Variants in CLCN5 observed in about 807,000 individuals in gnomAD.
The protein encoded by CLCN5 is H(+)/Cl(-) exchange transporter 5.
In CLCN5, 17 loss-of-function variants were observed where a neutral mutation model predicts 54.0. That is an observed-to-expected ratio of 0.31 (90% CI 0.22 to 0.47). The LOEUF (loss-of-function observed/expected upper bound fraction) is 0.47, where lower values mean the gene tolerates loss of function less well. Ranked by LOEUF, CLCN5 falls within the 20% of genes least tolerant of loss-of-function variation. CLCN5 has a pLI of 1.00. For synonymous variants in CLCN5, 222 were observed against 233.0 expected, an observed-to-expected ratio of 0.95 and a Z score of 0.43; for missense variants, 448 against 646.7, an observed-to-expected ratio of 0.69 and a Z score of 3.33.
At chrX:49,949,288 A>G (rs1557172643) in intron 3 of CLCN5, among the ~76,000 whole-genome samples, 1 of 111,943 alleles carries the variant, frequency 8.9e-6, no homozygotes, top group Non-Finnish European at 1.9e-5. Flanking sequence ...GCACAGGCCA[A>G]CTCCCTACCA....
At chrX:49,953,236 C>CT (rs1927145206) in intron 3 of CLCN5, among the ~76,000 whole-genome samples, 1 of 111,768 alleles carries the variant, frequency 8.9e-6, no homozygotes, top group African/African-American at 3.3e-5. Flanking sequence ...TGTAAAGTAT[C>CT]TTTTTCATCT....
At chrX:49,929,194 T>A (rs887245536) in intron 3 of CLCN5, among the ~76,000 whole-genome samples, 1 of 111,634 alleles carries the variant, frequency 9.0e-6, no homozygotes, top group Non-Finnish European at 1.9e-5. Flanking sequence ...CATTGCTGTC[T>A]GGTTCCTCCA....
intron 3 of CLCN5, among the ~76,000 whole-genome samples, chrX:49,944,607 A>G (rs1362482486): frequency 8.9e-6 from 1 of 112,052 alleles, no homozygotes; most frequent in Non-Finnish European, 1.9e-5. Flanking sequence ...GAGAGTTTTT[A>G]GCATGAAGGT....
intron 9 of CLCN5, among the ~76,000 whole-genome samples, chrX:50,083,558 T>C (rs1231456835): frequency 8.9e-6 from 1 of 112,052 alleles, no homozygotes; most frequent in Non-Finnish European, 1.9e-5. Flanking sequence ...ATTTTGATCA[T>C]TGAACTGTGA....
Position 49,922,984 on chromosome X carries a change from T to A in CLCN5, c.-205+192T>A, listed in dbSNP as rs936456294. On this transcript the variant is annotated intron_variant, in intron 1 of 14. Coordinates refer to ENST00000376091, the MANE Select transcript of CLCN5 (RefSeq NM_001127898.4). The stretch of plus-strand genomic sequence containing the variant: ...CGCTTAGAGGAGGTAGACAGGCTAG[T>A]TCCAGCCAGTGCTGAGCGGCGTCTT... Among the ~76,000 whole-genome samples, 4 of 112,977 alleles carry A rather than the reference T, an allele frequency of 3.5e-5. No homozygotes were observed. The South Asian group carries it at 1.4e-3, about 41-fold the overall frequency.
chrX:50,032,059 T>C (rs1401896651), intron 3 of CLCN5, among the ~76,000 whole-genome samples: 7 of 110,404 alleles, frequency 6.3e-5, no homozygotes, highest in African/African-American at 2.3e-4. Context: ...TCATCATTTT[T>C]TATGGCTGCA....
At position 50,066,175 on chromosome X, in the gene CLCN5, AAAAAG is replaced by A. The variant is rs1412649098; in HGVS notation, c.164-3700_164-3696del. 1.9e-3 allele frequency among the ~76,000 whole-genome samples: 205 copies of A among 105,384 alleles called. 2 individuals are homozygous for A. The highest frequency in any genetic ancestry group is 6.5e-3 in the African/African-American group (174 of 26,677). The allele number at this position is 105,384 out of a possible 115,157, so 91.5% of individuals were successfully genotyped here. A position where few individuals can be genotyped will look rare whatever the true frequency, so the allele number is the denominator to read the frequency against. On this transcript the variant is annotated intron_variant, in intron 4 of 14. Transcript: ENST00000376091. ...CTTAAAGTATAATTAAAAAAAAAAA[AAAAAG>A]AAAGAAAGAGAAATTCCAGAGCAAA...
intron 7 of CLCN5, 70 bp downstream of exon 7, chrX:50,076,052 C>T (rs1399946359): frequency 1.0e-6 from 1 of 990,314 alleles, no homozygotes; most frequent in Non-Finnish European, 1.4e-6. Flanking sequence ...TTATACTGTG[C>T]TCACAGCAAT....
intron 4 of CLCN5, among the ~76,000 whole-genome samples, chrX:50,048,099 G>T (rs1478178601): frequency 8.9e-6 from 1 of 112,227 alleles, no homozygotes; most frequent in African/African-American, 3.2e-5. Flanking sequence ...AACCGGCGGT[G>T]GGGGGTGAGG....
chrX:49,978,989 C>T (rs1047696738), intron 3 of CLCN5, among the ~76,000 whole-genome samples: 61 of 111,071 alleles, frequency 5.5e-4, no homozygotes, highest in African/African-American at 1.9e-3. Context: ...ACAGTTGAAG[C>T]ACAACCTCCA....
chrX:50,026,385 G>C (rs146845848), intron 3 of CLCN5, among the ~76,000 whole-genome samples: 1 of 111,698 alleles, frequency 9.0e-6, no homozygotes, highest in Non-Finnish European at 1.9e-5. Flanking sequence ...ACTTGATCTA[G>C]TTGATGGATG....
At chrX:49,993,789 G>A (rs1168749368) in intron 3 of CLCN5, among the ~76,000 whole-genome samples, 1 of 111,849 alleles carries the variant, frequency 8.9e-6, no homozygotes, top group African/African-American at 3.3e-5. Flanking sequence ...AGTAACACAA[G>A]TCTGGTTAGA....
chrX:49,929,117 C>T (rs1346795952), intron 3 of CLCN5, among the ~76,000 whole-genome samples: 1 of 111,382 alleles, frequency 9.0e-6, no homozygotes, highest in Non-Finnish European at 1.9e-5. Context: ...GCTTCTGAGT[C>T]AGTCTGTAGA....
chrX:49,995,379 CAG>C (rs1929466007), intron 3 of CLCN5, among the ~76,000 whole-genome samples: 1 of 112,117 alleles, frequency 8.9e-6, no homozygotes. Context: ...ACCAAGCAAA[CAG>C]AATTCTTTCG....
At chrX:50,005,433 G>A (rs1440154987) in intron 3 of CLCN5, among the ~76,000 whole-genome samples, 1 of 110,149 alleles carries the variant, frequency 9.1e-6, no homozygotes, top group African/African-American at 3.4e-5. Flanking sequence ...TTATTAGCTG[G>A]AATACTTCTA....
At chrX:49,951,096 G>A (rs1927024848) in intron 3 of CLCN5, among the ~76,000 whole-genome samples, 1 of 111,401 alleles carries the variant, frequency 9.0e-6, no homozygotes, top group South Asian at 3.8e-4. Context: ...GTAATATTTT[G>A]GATATATTGG....
intron 3 of CLCN5, among the ~76,000 whole-genome samples, chrX:49,978,053 A>C (rs782597710): frequency 8.9e-6 from 1 of 111,936 alleles, no homozygotes; most frequent in Admixed American, 9.5e-5. Flanking sequence ...TAAATTCCCC[A>C]GGAGGCAGAA....
intron 5 of CLCN5, among the ~76,000 whole-genome samples, chrX:50,070,357 C>T (rs1360538904): frequency 9.0e-6 from 1 of 111,562 alleles, no homozygotes; most frequent in African/African-American, 3.3e-5. Flanking sequence ...AGTAAATAGT[C>T]GCAAAGGATC....
At chrX:50,037,208 G>A (rs1401510200) in intron 3 of CLCN5, among the ~76,000 whole-genome samples, 2 of 112,266 alleles carry the variant, frequency 1.8e-5, no homozygotes, top group African/African-American at 6.5e-5. Flanking sequence ...GTAGCTTGAG[G>A]GAGAAATGAG....
Sources: allele counts gnomAD v4.1 joint callset (sites outside exome capture counted in the v4.1 genomes callset), GRCh38; gene constraint gnomAD v4.1.1; transcripts MANE v1.5; gene names NCBI Gene and HGNC (gene_info 2026-07-23, HGNC 2026-07-21).